Variants in GJA5 observed in about 807,000 individuals in gnomAD.
The protein encoded by GJA5 is gap junction alpha-5 protein.
GJA5 carries 3 observed loss-of-function variants against 7.9 expected under a neutral mutation model. That is an observed-to-expected ratio of 0.38 (90% CI 0.17 to 0.99). The LOEUF is 0.99. Ranked by LOEUF, GJA5 falls within the 50% of genes least tolerant of loss-of-function variation. GJA5 has a pLI of 0.38. For synonymous variants in GJA5, 193 were observed against 181.0 expected (o/e 1.07, Z -0.53); for missense variants, 390 against 457.9 (o/e 0.85, Z 1.35).
At chr1:147,770,050 T>C (rs907413853) in intron 1 of GJA5, among the ~76,000 whole-genome samples, 3 of 152,054 alleles carry the variant, frequency 2.0e-5, no homozygotes, top group Non-Finnish European at 4.4e-5. Context: ...AAGAGGGGGT[T>C]GTCTACTCTG....
chr1:147,769,125 C>T (rs1664311166), intron 1 of GJA5, among the ~76,000 whole-genome samples: 1 of 152,234 alleles, frequency 6.6e-6, no homozygotes, highest in Non-Finnish European at 1.5e-5. Context: ...GGCCCTCAGC[C>T]CACAGTGGTC....
At chr1:147,771,926 G>T (rs782595781) in intron 1 of GJA5, among the ~76,000 whole-genome samples, 2 of 152,192 alleles carry the variant, frequency 1.3e-5, no homozygotes, top group Non-Finnish European at 2.9e-5. Context: ...GGACTGGGCT[G>T]GGCTTGGCTG....
At chr1:147,769,048 T>C (rs1466546736) in intron 1 of GJA5, among the ~76,000 whole-genome samples, 1 of 152,230 alleles carries the variant, frequency 6.6e-6, no homozygotes, top group African/African-American at 2.4e-5. Context: ...GTTTTTCCTT[T>C]TAGCTTCTGC....
At chr1:147,762,539 G>A (rs1337239483), upstream of GJA5, among the ~76,000 whole-genome samples, 3 of 152,180 alleles carry the variant, frequency 2.0e-5, no homozygotes, top group Non-Finnish European at 2.9e-5. Context: ...AACCAGAAAG[G>A]CAGTATTAGG....
upstream of GJA5, among the ~76,000 whole-genome samples, chr1:147,765,305 G>C: frequency 6.6e-6 from 1 of 152,258 alleles, no homozygotes; most frequent in Non-Finnish European, 1.5e-5. Flanking sequence ...TTGCAGAGGA[G>C]GAAACATATA....
rs1363372394 is a variant in GJA5, at chr1:147,757,438, C to A, written c.*724G>T. 1.3e-5 allele frequency: 2 copies of A among 153,216 alleles called. No individual in the cohort carries two copies. Among genetic ancestry groups the A allele is most frequent in the African/African-American group, 2.4e-5 (1 of 41,440 alleles). The allele number at this position is 153,216 out of a possible 1,614,324, so 9.5% of individuals were successfully genotyped here. ...CAGTGACTCCCTAGCAGGGCTGACA[C>A]CTGCACAGGCTAGGTGTACACCCTA... On this transcript the variant is annotated 3_prime_UTR_variant, in exon 2 of 2. Transcript: ENST00000579774.
At chr1:147,764,270 C>T (rs1053533758), upstream of GJA5, among the ~76,000 whole-genome samples, 13 of 152,206 alleles carry the variant, frequency 8.5e-5, no homozygotes, top group Non-Finnish European at 1.8e-4. Flanking sequence ...GACCTCAGCC[C>T]TCTTTGGTGT....
chr1:147,759,314 T>A (rs1007411229), intron 1 of GJA5, 43 bp from the exon 2 acceptor site: 4 of 991,902 alleles, frequency 4.0e-6, no homozygotes, highest in Middle Eastern at 2.1e-4. Context: ...AAGAAGGATG[T>A]TCTGTGAAGG....
Position 147,758,613 on chromosome 1 carries a change from A to G in GJA5, c.626T>C (p.Val209Ala). The G allele has an allele frequency of 1.2e-6, 2 of 1,614,154 alleles. No homozygotes were observed. The highest frequency in any genetic ancestry group is 1.7e-6 in the Non-Finnish European group (2 of 1,180,020). The part of the protein sequence containing the change: ...SRPTEKNVFI[V>A]FMLAVAALSL... ...CAGTGCAGCCACAGCCAGCATAAAG[A>G]CAATGAAGACATTCTTCTCTGTGGG... Residue 209 changes from valine to alanine, a missense_variant, in exon 2 of 2, where the codon GTC (valine) becomes GCC (alanine). Transcript: ENST00000579774.
rs140502327 is a variant in GJA5, at chr1:147,759,253, G to C, written c.-15C>G. ...CAATCGCCCATCTTGGCACAGCCAG[G>C]GAACAGATGCCAAAACTTCTGCAAA... On this transcript the variant is annotated 5_prime_UTR_variant, in exon 2 of 2. Coordinates refer to ENST00000579774, the MANE Select transcript of GJA5 (RefSeq NM_181703.4). 7 of 1,555,472 alleles carry C rather than the reference G, an allele frequency of 4.5e-6. No homozygotes were observed. The highest frequency in any genetic ancestry group is 6.2e-6 in the Non-Finnish European group (7 of 1,127,264).
At position 147,758,297 on chromosome 1, in the gene GJA5, C is replaced by A. The variant is rs782450132; in HGVS notation, c.942G>T (p.Gln314His). The A allele has an allele frequency of 8.7e-6, 14 of 1,614,042 alleles. No homozygotes were observed. The East Asian group carries it at 3.1e-4, about 36-fold the overall frequency. The change falls in exon 2 of 2, where the codon CAG becomes CAT. Residue 314 changes from glutamine (Q) to histidine (H), a missense_variant. Physicochemically the swap from Gln to His is conservative, Grantham distance 24 (BLOSUM62 0). Transcript: ENST00000579774. The stretch of plus-strand genomic sequence containing the variant: ...CCTCAGGCTTCTGGCCATAACGAAC[C>A]TGGATGAAACCTTCCCCAGGAGTCT... The part of the protein sequence containing the change: ...QEQTPGEGFI[Q>H]VRYGQKPEVP...
intron 1 of GJA5, among the ~76,000 whole-genome samples, chr1:147,770,914 T>G (rs1419474670): frequency 6.6e-6 from 1 of 152,212 alleles, no homozygotes; most frequent in Non-Finnish European, 1.5e-5. Flanking sequence ...ACCCTGAAGC[T>G]TTCCAGGAAA....
At chr1:147,765,355 C>A (rs113896370), upstream of GJA5, among the ~76,000 whole-genome samples, 123 of 152,278 alleles carry the variant, frequency 8.1e-4, 1 homozygote, top group African/African-American at 2.8e-3. Flanking sequence ...GGGGGAAGAA[C>A]CAGGGCTTCA....
rs782537868 is a variant in GJA5 at position 147,758,443 on chromosome 1, C to CG, written c.795dup (p.Asp266ArgfsTer3). The CG allele has an allele frequency of 2.5e-6, 4 of 1,614,122 alleles. No individual in the cohort carries two copies. The highest frequency in any genetic ancestry group is 3.4e-6 in the Non-Finnish European group (4 of 1,180,014). On this transcript the variant is annotated frameshift_variant, in exon 2 of 2. Transcript: ENST00000579774. LOFTEE classifies it low-confidence loss of function (END_TRUNC). ...CCATTCTCCAGGCACTGATTAAAGT[C>CG]GGGGGGTGGTGTGCAGCTCTGGACT...
chr1:147,761,459 C>G (rs1193163745), upstream of GJA5, among the ~76,000 whole-genome samples: 4 of 152,174 alleles, frequency 2.6e-5, no homozygotes, highest in Non-Finnish European at 4.4e-5. Context: ...TGTATTCTCT[C>G]AGACCCCAGG....
At position 147,758,706 on chromosome 1, in the gene GJA5, A is replaced by C; in HGVS notation, c.533T>G (p.Phe178Cys). The change falls in exon 2 of 2, where the codon TTC becomes TGC. Residue 178 changes from phenylalanine to cysteine, a missense_variant. Around this residue, in one of 2 missense-constraint regions of GJA5, gnomAD observed 354 missense variants for 370.9 expected, o/e 0.95. Transcript: ENST00000579774. ...GCGGCAGACATGCAGGGTGGTCAGG[A>C]AGATTCCGTAGATGAAGTACTGGCC... ...IVGQYFIYGI[F>C]LTTLHVCRRS... 6.2e-7 allele frequency: 1 copy of C among 1,614,174 alleles called. No individual in the cohort carries two copies. Among genetic ancestry groups the C allele is most frequent in the Non-Finnish European group, 8.5e-7 (1 of 1,180,022 alleles).
At chr1:147,761,213 G>T (rs782099334), upstream of GJA5, among the ~76,000 whole-genome samples, 5 of 152,176 alleles carry the variant, frequency 3.3e-5, no homozygotes, top group Non-Finnish European at 7.3e-5. Flanking sequence ...CGGAGGGAAT[G>T]GAGCATAAAT....
At chr1:147,764,855 A>G (rs1664145356), upstream of GJA5, among the ~76,000 whole-genome samples, 1 of 151,588 alleles carries the variant, frequency 6.6e-6, no homozygotes, top group Non-Finnish European at 1.5e-5. Context: ...TAATAAAGTC[A>G]GGCATGATTC....
chr1:147,758,866 A>T lies in GJA5; in HGVS notation c.373T>A (p.Tyr125Asn), dbSNP rs1553227016. Residue 125 changes from tyrosine (Y) to asparagine (N), a missense_variant, in exon 2 of 2, where the codon TAC becomes AAC. Transcript: ENST00000579774. ...AGTTCTGCCTTCTCTGCCACCGGGT[A>T]CTCGTAAGAGCCAGAGCCCCGGACC... Reference protein sequence around the residue: ...KEVRGSGSYEYPVAEKAELSC... With the variant: ...KEVRGSGSYENPVAEKAELSC... The T allele has an allele frequency of 1.2e-6, 2 of 1,614,044 alleles. No homozygotes were observed. The highest frequency in any genetic ancestry group is 1.7e-6 in the Non-Finnish European group (2 of 1,179,984).
Sources: gnomAD v4.1 joint callset for allele counts (sites outside exome capture counted in the v4.1 genomes callset) on GRCh38, gnomAD v4.1.1 for gene constraint, gnomAD v4.1.1 regional missense constraint, MANE v1.5 for transcripts, NCBI Gene and HGNC (gene_info 2026-07-23, HGNC 2026-07-21) for gene names.